GSG1L: variants seen among roughly 807,000 people sequenced by gnomAD.
The protein encoded by GSG1L is GSG1 like.
GSG1L carries 24 observed loss-of-function variants against 42.1 expected under a neutral mutation model. The observed-to-expected ratio is 0.57, with a 90% CI of 0.41 to 0.80. The LOEUF (loss-of-function observed/expected upper bound fraction) is 0.80, where lower values mean the gene tolerates loss of function less well. GSG1L is among the 30% of genes least tolerant of loss of function. The pLI is 0.00. For missense variants in GSG1L, 445 were observed against 472.2 expected (o/e 0.94, Z 0.53); for synonymous variants, 215 against 203.5 (o/e 1.06, Z -0.48).
intron 2 of GSG1L, among the ~76,000 whole-genome samples, chr16:27,905,304 C>T (rs1474022758): frequency 1.3e-5 from 2 of 151,002 alleles, no homozygotes; most frequent in East Asian, 3.9e-4. Flanking sequence ...AATGCTATTC[C>T]GTTCATGCCA....
At chr16:27,875,967 T>G (rs1268156590) in intron 3 of GSG1L, among the ~76,000 whole-genome samples, 2 of 152,218 alleles carry the variant, frequency 1.3e-5, no homozygotes, top group Non-Finnish European at 2.9e-5. Context: ...CAGCTGTGCC[T>G]GAAGCCCACC....
At chr16:27,893,385 G>T (rs1419140095) in intron 2 of GSG1L, among the ~76,000 whole-genome samples, 2 of 152,088 alleles carry the variant, frequency 1.3e-5, no homozygotes, top group East Asian at 3.9e-4. Flanking sequence ...CTGTGTCTCG[G>T]CTGTGTGACA....
At chr16:27,978,145 G>A (rs1351889248) in intron 1 of GSG1L, among the ~76,000 whole-genome samples, 1 of 152,180 alleles carries the variant, frequency 6.6e-6, no homozygotes, top group African/African-American at 2.4e-5. Context: ...CAGCAGAAAT[G>A]AGTCTTCCAG....
At chr16:27,896,149 G>T (rs2084189765) in intron 2 of GSG1L, among the ~76,000 whole-genome samples, 1 of 152,290 alleles carries the variant, frequency 6.6e-6, no homozygotes, top group South Asian at 2.1e-4. Flanking sequence ...TCCAATGGGT[G>T]GGGCATGCTG....
chr16:27,943,441 C>T (rs1300991326), intron 2 of GSG1L, among the ~76,000 whole-genome samples: 1 of 151,322 alleles, frequency 6.6e-6, no homozygotes, highest in Non-Finnish European at 1.5e-5. Context: ...TAATGTCAAG[C>T]AGAAGAAACC....
At chr16:28,060,733 T>C (rs985770650) in intron 1 of GSG1L, among the ~76,000 whole-genome samples, 1 of 152,116 alleles carries the variant, frequency 6.6e-6, no homozygotes, top group African/African-American at 2.4e-5. Context: ...AAAAAGCAAG[T>C]ACCCTAGAAG....
intron 1 of GSG1L, among the ~76,000 whole-genome samples, chr16:27,975,921 A>G (rs577718062): frequency 3.0e-4 from 45 of 152,308 alleles, no homozygotes; most frequent in Admixed American, 7.8e-4. Flanking sequence ...TAAAGTGTAC[A>G]TATCAGTAAT....
intron 3 of GSG1L, among the ~76,000 whole-genome samples, chr16:27,852,626 GT>G (rs762494748): frequency 1.3e-5 from 2 of 152,190 alleles, no homozygotes; most frequent in South Asian, 4.1e-4. Context: ...AGGCACTTAG[GT>G]GGGGCACGTG....
intron 2 of GSG1L, among the ~76,000 whole-genome samples, chr16:27,897,835 C>T (rs554915613): frequency 3.3e-5 from 5 of 152,178 alleles, no homozygotes; most frequent in Non-Finnish European, 5.9e-5. Flanking sequence ...AAAACAGAGT[C>T]CACACTACCA....
At chr16:27,913,987 G>A (rs1567516511) in intron 2 of GSG1L, among the ~76,000 whole-genome samples, 1 of 145,084 alleles carries the variant, frequency 6.9e-6, no homozygotes, top group Non-Finnish European at 1.5e-5. Flanking sequence ...TTTCCTTCCA[G>A]TTTTTTTTTT....
Position 27,980,796 on chromosome 16 carries a change from C to T in GSG1L, c.350-17593G>A, listed in dbSNP as rs375896563. On this transcript the variant is annotated intron_variant, in intron 1 of 6. Coordinates refer to ENST00000447459, the MANE Select transcript of GSG1L (RefSeq NM_001109763.2). ...ACTCTGGAGGCTGAGGCAGAAGAAC[C>T]GCTTGAACCTGGGAGGCAGAGGTTG... 2.7e-4 allele frequency among the ~76,000 whole-genome samples: 41 copies of T among 151,720 alleles called. No homozygotes were observed. The South Asian group carries it at 3.5e-3, about 13-fold the overall frequency.
At chr16:28,017,630 C>T (rs957253817) in intron 1 of GSG1L, among the ~76,000 whole-genome samples, 7 of 152,154 alleles carry the variant, frequency 4.6e-5, no homozygotes, top group East Asian at 1.9e-4. Context: ...ACAAAAACTA[C>T]GCAGCCGTGG....
intron 1 of GSG1L, among the ~76,000 whole-genome samples, chr16:28,017,788 T>A (rs148901929): frequency 3.9e-5 from 6 of 152,180 alleles, no homozygotes; most frequent in African/African-American, 1.2e-4. Context: ...AAATTAAACA[T>A]CATATTGTTT....
rs181867786 is a variant in GSG1L, at chr16:27,903,453, G to A, written c.398-18815C>T. Among the ~76,000 whole-genome samples the A allele has an allele frequency of 1.1e-4, 16 of 152,312 alleles. No homozygotes were observed. In the East Asian group the frequency reaches 1.3e-3, roughly 13 times the overall value. On this transcript the variant is annotated intron_variant, in intron 2 of 6. Transcript: ENST00000447459. ...ACAGGGGAGAGGAGACAGACTGCCCGTGGGAGGCAGAGTAGAGTCGTCCCC... is the reference window on the plus strand; with the variant it reads ...ACAGGGGAGAGGAGACAGACTGCCCATGGGAGGCAGAGTAGAGTCGTCCCC...
intron 5 of GSG1L, among the ~76,000 whole-genome samples, chr16:27,817,696 CATAAAAA>C (rs2083111564): frequency 6.6e-6 from 1 of 152,036 alleles, no homozygotes. Context: ...CCAATTTTTT[CATAAAAA>C]ATGAAAATGA....
intron 6 of GSG1L, among the ~76,000 whole-genome samples, chr16:27,797,230 A>C (rs1451504965): frequency 6.6e-6 from 1 of 152,214 alleles, no homozygotes; most frequent in Non-Finnish European, 1.5e-5. Flanking sequence ...GCCATTAAAA[A>C]ACAATGAAAT....
chr16:28,035,821 G>C (rs1567564201), intron 1 of GSG1L, among the ~76,000 whole-genome samples: 1 of 152,108 alleles, frequency 6.6e-6, no homozygotes, highest in South Asian at 2.1e-4. Context: ...GCTCATAAAG[G>C]ACAAAGCGGG....
At chr16:28,030,756 A>ATGGGATGGG (rs2085948497) in intron 1 of GSG1L, among the ~76,000 whole-genome samples, 4 of 95,796 alleles carry the variant, frequency 4.2e-5, no homozygotes, top group African/African-American at 1.3e-4. Flanking sequence ...GTTAGGATGG[A>ATGGGATGGG]ATGGGATGGG....
At chr16:27,922,521 G>A (rs1024150648) in intron 2 of GSG1L, among the ~76,000 whole-genome samples, 1 of 152,210 alleles carries the variant, frequency 6.6e-6, no homozygotes, top group South Asian at 2.1e-4. Flanking sequence ...AGACTCTGAT[G>A]TGGATGCTGA....
Sources: allele counts gnomAD v4.1 joint callset (sites outside exome capture counted in the v4.1 genomes callset), GRCh38; gene constraint gnomAD v4.1.1; transcripts MANE v1.5; gene names NCBI Gene and HGNC (gene_info 2026-07-23, HGNC 2026-07-21).